The following PHF14 variants were observed in gnomAD, a reference collection of about 807,000 sequenced individuals.
PHF14 encodes PHD finger protein 14.
In PHF14, 55 loss-of-function variants were observed where a neutral mutation model predicts 117.9. The observed-to-expected ratio is 0.47, with a 90% CI of 0.38 to 0.58. The LOEUF (loss-of-function observed/expected upper bound fraction) is 0.58. Among genes scored for constraint, PHF14 ranks in the 20% least tolerant of loss-of-function variants. PHF14 has a pLI of 0.00. For missense variants in PHF14, 978 were observed against 1,122.2 expected, an observed-to-expected ratio of 0.87 and a Z score of 1.84; for synonymous variants, 409 against 368.6, an observed-to-expected ratio of 1.11 and a Z score of -1.26.
At chr7:11,056,318 C>G (rs1446602151) in intron 14 of PHF14, among the ~76,000 whole-genome samples, 2 of 152,044 alleles carry the variant, frequency 1.3e-5, no homozygotes, top group Non-Finnish European at 2.9e-5. Flanking sequence ...TTTGTATATA[C>G]CATTATCTCT....
chr7:11,165,956 A>G (rs528523132), intron 17 of PHF14, among the ~76,000 whole-genome samples: 153 of 152,330 alleles, frequency 1.0e-3, no homozygotes, highest in Middle Eastern at 6.8e-3. Flanking sequence ...ATCTGTGCCT[A>G]GAAATTACCA....
intron 16 of PHF14, chr7:11,104,680 A>T (rs1787199013): frequency 3.2e-6 from 3 of 940,164 alleles, no homozygotes; most frequent in Non-Finnish European, 3.8e-6. Flanking sequence ...GTGCATTGGA[A>T]TCACAGGAAG....
Position 11,070,837 on chromosome 7 carries a change from T to C in PHF14, c.2654+8752T>C, listed in dbSNP as rs150963232. Among the ~76,000 whole-genome samples the C allele has an allele frequency of 3.5e-4, 54 of 152,382 alleles. No individual in the cohort carries two copies. The East Asian group carries it at 6.4e-3, about 18-fold the overall frequency. ...TCAGAATAAATGCTTGTTAATTTACTGATACACTGCCATATCTGTATATTT... is the reference window on the plus strand; with the variant it reads ...TCAGAATAAATGCTTGTTAATTTACCGATACACTGCCATATCTGTATATTT... On this transcript the variant is annotated intron_variant, in intron 16 of 17. Transcript: ENST00000634607.
intron 16 of PHF14, chr7:11,105,824 T>C (rs1200657581): frequency 2.0e-6 from 2 of 984,594 alleles, no homozygotes; most frequent in Admixed American, 6.2e-5. Flanking sequence ...TGCTGGGCTT[T>C]GTAAATAAAA....
In PHF14 at chr7:11,084,576, A is replaced by G. The variant is rs529224574; in HGVS notation, c.2654+22491A>G. 4.6e-5 allele frequency among the ~76,000 whole-genome samples: 7 copies of G among 152,118 alleles called. No homozygotes were observed. The East Asian group carries it at 1.4e-3, about 29-fold the overall frequency. On this transcript the variant is annotated intron_variant, in intron 16 of 17. Transcript: ENST00000634607. ...GAACTAAGCCAGTTTTTAAGTAGCT[A>G]CAAAATATAATTTGGATGTATCATA...
chr7:11,165,055 G>A (rs1789162510), intron 17 of PHF14, among the ~76,000 whole-genome samples: 1 of 152,158 alleles, frequency 6.6e-6, no homozygotes, highest in African/African-American at 2.4e-5. Context: ...CTCCCGAGTA[G>A]CTGGGACTAT....
intron 17 of PHF14, among the ~76,000 whole-genome samples, chr7:11,134,103 C>G (rs770450800): frequency 6.6e-6 from 1 of 151,892 alleles, no homozygotes; most frequent in Non-Finnish European, 1.5e-5. Context: ...TTGAAATAGG[C>G]CTTGTGGTGG....
At chr7:11,153,165 T>G (rs1045580624) in intron 17 of PHF14, among the ~76,000 whole-genome samples, 1 of 152,156 alleles carries the variant, frequency 6.6e-6, no homozygotes, top group Non-Finnish European at 1.5e-5. Context: ...AGGAGGCTGA[T>G]TAGGAAGCTA....
chr7:11,104,196 A>C, intron 16 of PHF14: 2 of 982,600 alleles, frequency 2.0e-6, no homozygotes, highest in Non-Finnish European at 2.4e-6. Context: ...CAATTATAAT[A>C]CTATATTATC....
rs116136011 is a variant in PHF14, at chr7:11,033,280, G to A, written c.1456-2360G>A. On this transcript the variant is annotated intron_variant, in intron 7 of 17. Coordinates refer to ENST00000634607, the MANE Select transcript of PHF14 (RefSeq NM_001007157.2). ...TTCACTCTAATATACAATTCCAGGC[G>A]GATTGGATACTGAGGGGAGTTTGGT... Among the ~76,000 whole-genome samples, 7 of 152,248 alleles carry A rather than the reference G, an allele frequency of 4.6e-5. No individual in the cohort carries two copies. In the East Asian group the frequency reaches 5.8e-4, roughly 13 times the overall value.
intron 2 of PHF14, among the ~76,000 whole-genome samples, chr7:10,976,246 C>G (rs1781860929): frequency 6.6e-6 from 1 of 152,134 alleles, no homozygotes; most frequent in African/African-American, 2.4e-5. Flanking sequence ...TCTTGATTAA[C>G]TGTTTTTTTA....
chr7:11,076,853 T>A (rs1429807901), intron 16 of PHF14, among the ~76,000 whole-genome samples: 1 of 151,158 alleles, frequency 6.6e-6, no homozygotes, highest in South Asian at 2.1e-4. Flanking sequence ...CAGGCATGAG[T>A]CACTGTGCCT....
At chr7:10,980,649 C>T (rs931459027) in intron 2 of PHF14, among the ~76,000 whole-genome samples, 27 of 152,126 alleles carry the variant, frequency 1.8e-4, no homozygotes, top group African/African-American at 5.8e-4. Context: ...CACAAACTTA[C>T]TTGATGGCAA....
At chr7:11,007,806 A>G (rs1268751503) in intron 4 of PHF14, among the ~76,000 whole-genome samples, 5 of 152,150 alleles carry the variant, frequency 3.3e-5, no homozygotes, top group Non-Finnish European at 7.4e-5. Flanking sequence ...AAATATGCTT[A>G]TTCTCAAGTA....
At chr7:10,991,294 C>T (rs1218401281) in intron 4 of PHF14, among the ~76,000 whole-genome samples, 3 of 152,208 alleles carry the variant, frequency 2.0e-5, no homozygotes, top group East Asian at 1.9e-4. Context: ...TATTCTGCCT[C>T]AGCCTCTTAA....
chr7:11,076,738 T>C (rs1353440671), intron 16 of PHF14, among the ~76,000 whole-genome samples: 3 of 152,060 alleles, frequency 2.0e-5, no homozygotes, highest in African/African-American at 7.2e-5. Context: ...CGACTAATTT[T>C]TGTATTTTTG....
chr7:11,164,159 C>T (rs764584226), intron 17 of PHF14, among the ~76,000 whole-genome samples: 1 of 152,144 alleles, frequency 6.6e-6, no homozygotes. Context: ...CTTCATTTTA[C>T]TGTTGTACCA....
intron 1 of PHF14, 25 bp downstream of exon 1, chr7:10,974,349 G>A (rs1583317961): frequency 1.3e-6 from 2 of 1,580,982 alleles, no homozygotes; most frequent in East Asian, 4.6e-5. Context: ...GGCCTCTGCG[G>A]CGAGAGGTCC....
In PHF14 at chr7:10,990,894, C is replaced by T. The variant is rs1475099086; in HGVS notation, c.1045+47C>T. On this transcript the variant is annotated intron_variant, in intron 4 of 17. Transcript: ENST00000634607. Reference sequence around the variant, plus strand: ...TCTTTTTAGAAATGGCTGACTGTGGCTCTTTTACATTTGTACTAAGGTGGT... The same window carrying T: ...TCTTTTTAGAAATGGCTGACTGTGGTTCTTTTACATTTGTACTAAGGTGGT... The T allele has an allele frequency of 8.5e-6, 12 of 1,416,878 alleles. No individual in the cohort carries two copies. The Middle Eastern group carries it at 1.1e-3, about 125-fold the overall frequency. 87.8% of individuals were successfully genotyped at this position (1,416,878 alleles called of 1,614,324 possible).
Sources: allele counts gnomAD v4.1 joint callset (sites outside exome capture counted in the v4.1 genomes callset), GRCh38; gene constraint gnomAD v4.1.1; transcripts MANE v1.5; gene names NCBI Gene and HGNC (gene_info 2026-07-23, HGNC 2026-07-21).